LOXHD1: variants seen among roughly 807,000 people sequenced by gnomAD.
LOXHD1 encodes lipoxygenase homology PLAT domains 1.
A neutral mutation model predicts 248.2 loss-of-function variants in LOXHD1; 205 were observed. That is an observed-to-expected ratio of 0.83 (90% CI 0.74 to 0.93). The LOEUF is 0.93. Ranked by LOEUF, LOXHD1 falls within the 40% of genes least tolerant of loss-of-function variation. LOXHD1 has a pLI of 0.00. For synonymous variants in LOXHD1, 1,113 were observed against 1,162.8 expected, an observed-to-expected ratio of 0.96 and a Z score of 0.87; for missense variants, 2,930 against 2,971.6, an observed-to-expected ratio of 0.99 and a Z score of 0.33.
chr18:46,564,908 C>T (rs563459804), intron 17 of LOXHD1, among the ~76,000 whole-genome samples: 73 of 152,232 alleles, frequency 4.8e-4, no homozygotes, highest in African/African-American at 1.7e-3. Context: ...ACTGGGGTTC[C>T]CTCTCAGGGA....
chr18:46,559,980 C>T, intron 19 of LOXHD1, 103 bp downstream of exon 19: 1 of 1,286,966 alleles, frequency 7.8e-7, no homozygotes, highest in Non-Finnish European at 1.1e-6. Context: ...ACCTATTTGG[C>T]CTCCACGTGA....
intron 37 of LOXHD1, among the ~76,000 whole-genome samples, chr18:46,491,040 T>C (rs2033436682): frequency 6.6e-6 from 1 of 152,076 alleles, no homozygotes; most frequent in African/African-American, 2.4e-5. Flanking sequence ...AAGTGGAATA[T>C]AGGAAGGAAG....
intron 14 of LOXHD1, among the ~76,000 whole-genome samples, chr18:46,574,902 C>G (rs966478437): frequency 1.3e-5 from 2 of 152,220 alleles, no homozygotes; most frequent in African/African-American, 4.8e-5. Context: ...TGTGACAATG[C>G]AGTGTGCACA....
At chr18:46,491,368 C>T (rs996441327) in intron 37 of LOXHD1, among the ~76,000 whole-genome samples, 1 of 152,194 alleles carries the variant, frequency 6.6e-6, no homozygotes, top group Non-Finnish European at 1.5e-5. Flanking sequence ...GTTACTGAGC[C>T]CTACTGCCAG....
Position 46,477,967 on chromosome 18 carries a change from G to A in LOXHD1, c.6342-15C>T, listed in dbSNP as rs1354633431. The A allele has an allele frequency of 7.1e-6, 11 of 1,542,818 alleles. No individual in the cohort carries two copies. Among genetic ancestry groups the A allele is most frequent in the Non-Finnish European group, 8.8e-6 (10 of 1,140,770 alleles). On this transcript the variant is annotated splice_polypyrimidine_tract_variant and intron_variant, in intron 40 of 40. Transcript: ENST00000642948. ...TAAAGAAGTACCTGGCAGAGAGGTG[G>A]GAGAGTGGAGGGGTAGGGGCTAAGC...
At chr18:46,655,479 C>T (rs1178123791) in intron 1 of LOXHD1, among the ~76,000 whole-genome samples, 2 of 152,214 alleles carry the variant, frequency 1.3e-5, no homozygotes, top group Non-Finnish European at 2.9e-5. Context: ...GGGAGAATCA[C>T]CTGGGAAGCC....
chr18:46,488,973 G>A lies in LOXHD1; in HGVS notation c.6048C>T (p.Thr2016=), dbSNP rs200730236. The A allele has an allele frequency of 1.4e-5, 21 of 1,550,772 alleles. No individual in the cohort carries two copies. The Admixed American group carries it at 3.7e-4, about 28-fold the overall frequency. The change falls in exon 38 of 41, where the codon ACC becomes ACT. Residue 2016 remains threonine (T), a splice_region_variant and synonymous_variant. Coordinates refer to ENST00000642948, the MANE Select transcript of LOXHD1 (RefSeq NM_001384474.1). ...NNKICDELEE[T]TYEIVIETGN... is the part of the protein sequence containing the mutation. ...GAGCCAATGATCTCCCCCACATACT[G>A]GTCTCTTCCAGCTCATCACAGATCT...
intron 33 of LOXHD1, among the ~76,000 whole-genome samples, chr18:46,518,711 C>T (rs2035405330): frequency 6.6e-6 from 1 of 152,264 alleles, no homozygotes; most frequent in Non-Finnish European, 1.5e-5. Context: ...GATAAGCTCC[C>T]TTGCAGAGTG....
chr18:46,561,981 G>A (rs897910209), intron 18 of LOXHD1, among the ~76,000 whole-genome samples: 2 of 152,190 alleles, frequency 1.3e-5, no homozygotes, highest in African/African-American at 4.8e-5. Flanking sequence ...TTGGCATCCA[G>A]AAGACACGCT....
At position 46,566,441 on chromosome 18, in the gene LOXHD1, C is replaced by A; in HGVS notation, c.2253G>T (p.Arg751=). The change falls in exon 17 of 41, where the codon CGG becomes CGT. Residue 751 remains arginine, a synonymous_variant. Coordinates refer to ENST00000642948, the MANE Select transcript of LOXHD1 (RefSeq NM_001384474.1). The part of the protein sequence containing the change: ...LETLNIGNIN[R]LVIGHDSTGM... ...CAGTGCTGTCATGCCCAATCACCAG[C>A]CGGTTGATCTGAAGGAAACCCGAGT... is the stretch of plus-strand genomic sequence containing the variant. 6.5e-7 allele frequency: 1 copy of A among 1,549,540 alleles called. No individual in the cohort carries two copies. Among genetic ancestry groups the A allele is most frequent in the Non-Finnish European group, 8.7e-7 (1 of 1,146,908 alleles).
At chr18:46,649,747 T>C (rs1169830075) in intron 1 of LOXHD1, among the ~76,000 whole-genome samples, 1 of 152,140 alleles carries the variant, frequency 6.6e-6, no homozygotes. Context: ...GGGCTGGGTG[T>C]GCAGAGCTTT....
At chr18:46,611,031 G>A (rs573561817) in intron 5 of LOXHD1, 107 bp from the exon 6 acceptor site, 65 of 1,330,362 alleles carry the variant, frequency 4.9e-5, no homozygotes, top group South Asian at 7.2e-5. Flanking sequence ...GTTAACAAGG[G>A]CAACTTCCTC....
Position 46,506,004 on chromosome 18 carries a change from G to A in LOXHD1, c.5712C>T (p.Asn1904=), listed in dbSNP as rs746023380. 2.8e-5 allele frequency: 43 copies of A among 1,552,098 alleles called. No individual in the cohort carries two copies. The highest frequency in any genetic ancestry group is 1.5e-4 in the East Asian group (6 of 40,934). ...TCTCCCCGAAGATGATGATGAACACGTTGGCATCAGTGCCTGCTCCTGGGG... is the reference window on the plus strand; with the variant it reads ...TCTCCCCGAAGATGATGATGAACACATTGGCATCAGTGCCTGCTCCTGGGG... ...SDILGAGTDA[N]VFIIIFGENG... The change falls in exon 37 of 41, where the codon AAC becomes AAT. Residue 1904 remains asparagine (N), a synonymous_variant. Transcript: ENST00000642948.
chr18:46,545,556 C>A (rs866688946), intron 22 of LOXHD1, 135 bp from the exon 23 acceptor site: 3 of 660,866 alleles, frequency 4.5e-6, no homozygotes, highest in Non-Finnish European at 8.3e-6. Flanking sequence ...TTTTCTCTTG[C>A]CCCTTCAATC....
At chr18:46,581,884 A>C (rs1427163546) in intron 12 of LOXHD1, among the ~76,000 whole-genome samples, 1 of 152,252 alleles carries the variant, frequency 6.6e-6, no homozygotes, top group Non-Finnish European at 1.5e-5. Context: ...AGAGGCCAGA[A>C]AGCAGTGGGA....
At position 46,600,813 on chromosome 18, in the gene LOXHD1, C is replaced by T. The variant is rs1599040402; in HGVS notation, c.1134+404G>A. Among the ~76,000 whole-genome samples, 3 of 152,150 alleles carry T rather than the reference C, an allele frequency of 2.0e-5. No homozygotes were observed. The East Asian group carries it at 5.8e-4, about 29-fold the overall frequency. On this transcript the variant is annotated intron_variant, in intron 8 of 40. Coordinates refer to ENST00000642948, the MANE Select transcript of LOXHD1 (RefSeq NM_001384474.1). Reference sequence around the variant, plus strand: ...GTGTGATAGACAAAATTGAGGTTTGCTTTTTAACATTCCTTATGTCTTACA... The same window carrying T: ...GTGTGATAGACAAAATTGAGGTTTGTTTTTTAACATTCCTTATGTCTTACA...
intron 12 of LOXHD1, among the ~76,000 whole-genome samples, chr18:46,582,375 A>G (rs2144164976): frequency 6.6e-6 from 1 of 152,320 alleles, no homozygotes; most frequent in South Asian, 2.1e-4. Context: ...TTAAGATGGT[A>G]ATTGTAATTT....
intron 1 of LOXHD1, among the ~76,000 whole-genome samples, chr18:46,656,308 A>T (rs1450547646): frequency 6.6e-6 from 1 of 152,220 alleles, no homozygotes; most frequent in African/African-American, 2.4e-5. Flanking sequence ...GTCACAGTTC[A>T]CTTCTTTGGT....
intron 37 of LOXHD1, among the ~76,000 whole-genome samples, chr18:46,492,876 T>A (rs2033585717): frequency 6.6e-6 from 1 of 152,258 alleles, no homozygotes; most frequent in Admixed American, 6.5e-5. Context: ...GGTAGTTAGT[T>A]GGTATCCAGG....
Sources: gnomAD v4.1 joint callset for allele counts (sites outside exome capture counted in the v4.1 genomes callset) on GRCh38, gnomAD v4.1.1 for gene constraint, MANE v1.5 for transcripts, NCBI Gene and HGNC (gene_info 2026-07-23, HGNC 2026-07-21) for gene names.